PAK3: variants seen among roughly 807,000 people sequenced by gnomAD.
The protein encoded by PAK3 is p21 (RAC1) activated kinase 3.
PAK3 carries 4 observed loss-of-function variants against 41.0 expected under a neutral mutation model. The ratio of observed to expected loss-of-function variants is 0.10; its 90% confidence interval spans 0.05 to 0.22. The LOEUF (loss-of-function observed/expected upper bound fraction) is 0.22, where lower values mean the gene tolerates loss of function less well. Ranked by LOEUF, PAK3 falls within the 10% of genes least tolerant of loss-of-function variation. The probability of loss-of-function intolerance (pLI) is 1.00; values close to 1 mark genes in which losing one functional copy is unlikely to be tolerated. For synonymous variants in PAK3, 146 were observed against 139.6 expected, an observed-to-expected ratio of 1.05 and a Z score of -0.32; for missense variants, 205 against 409.9, an observed-to-expected ratio of 0.50 and a Z score of 4.32.
Position 111,226,268 on chromosome X carries a change from G to T in PAK3, c.*5821G>T, listed in dbSNP as rs191269951. The T allele has an allele frequency of 9.0e-6, 1 of 111,395 alleles. No homozygotes were observed. Among genetic ancestry groups the T allele is most frequent in the East Asian group, 2.8e-4 (1 of 3,572 alleles). The allele number at this position is 111,395 out of a possible 1,213,427, so 9.2% of individuals were successfully genotyped here. A position where few individuals can be genotyped will look rare whatever the true frequency, so the allele number is the denominator to read the frequency against. Reference sequence around the variant, plus strand: ...CTTCCAATTCATTTACAGTTGTTTCGTTTTGTTTTTGTTTTAATGTCCATT... The same window carrying T: ...CTTCCAATTCATTTACAGTTGTTTCTTTTTGTTTTTGTTTTAATGTCCATT... On this transcript the variant is annotated 3_prime_UTR_variant, in exon 18 of 18. Transcript: ENST00000372007.
At chrX:111,013,520 C>T (rs1476850206) in intron 1 of PAK3, among the ~76,000 whole-genome samples, 1 of 111,096 alleles carries the variant, frequency 9.0e-6, no homozygotes, top group East Asian at 2.9e-4. Context: ...TGATTGAGCA[C>T]CAGTAATGCA....
At chrX:111,084,950 C>G (rs1362882517) in intron 1 of PAK3, among the ~76,000 whole-genome samples, 1 of 111,546 alleles carries the variant, frequency 9.0e-6, no homozygotes, top group Non-Finnish European at 1.9e-5. Flanking sequence ...ATGGCCTAGT[C>G]CATGTCTCTG....
In PAK3 at chrX:111,147,393, C is replaced by T. The variant is rs755164656; in HGVS notation, c.277-344C>T. On this transcript the variant is annotated intron_variant, in intron 6 of 17. Transcript: ENST00000372007. ...CAAATTTAGAGAAGTCTTGCTATGT[C>T]TGCCCTGAGTCGCCAGAAAAAAAAT... 9.4e-4 allele frequency among the ~76,000 whole-genome samples: 104 copies of T among 110,780 alleles called. 1 individual carries two copies. The highest frequency in any genetic ancestry group is 3.2e-3 in the African/African-American group (97 of 30,528).
chrX:110,967,223 G>C (rs994936348), intron 1 of PAK3, among the ~76,000 whole-genome samples: 1 of 113,022 alleles, frequency 8.8e-6, no homozygotes, highest in Admixed American at 9.3e-5. Flanking sequence ...CCAGAACAGG[G>C]CCAAGGGGAC....
chrX:111,000,455 T>C (rs750089651), intron 1 of PAK3, among the ~76,000 whole-genome samples: 3 of 112,142 alleles, frequency 2.7e-5, no homozygotes. Flanking sequence ...ACTTGTCAAA[T>C]TGTCATGAGA....
intron 1 of PAK3, among the ~76,000 whole-genome samples, chrX:111,064,978 A>G (rs2092689512): frequency 1.8e-5 from 2 of 112,402 alleles, no homozygotes; most frequent in South Asian, 7.4e-4. Context: ...GTATAGATTC[A>G]TGAAGGTATA....
chrX:111,215,135 A>G (rs1366607852), intron 16 of PAK3, among the ~76,000 whole-genome samples: 2 of 111,746 alleles, frequency 1.8e-5, no homozygotes, highest in African/African-American at 6.5e-5. Flanking sequence ...AAACTGCGTG[A>G]TCCTTCAAAG....
chrX:111,030,937 T>A (rs1005261247), intron 1 of PAK3, among the ~76,000 whole-genome samples: 2 of 111,528 alleles, frequency 1.8e-5, no homozygotes, highest in Admixed American at 9.6e-5. Context: ...GCTGTACTAG[T>A]AACTGTCTTA....
In PAK3 at chrX:111,220,434, A is replaced by G; in HGVS notation, c.1622A>G (p.Asn541Ser). The change falls in exon 18 of 18, where the codon AAC becomes AGC. Residue 541 changes from asparagine to serine, a missense_variant. This residue lies in a region of PAK3 where 40 missense variants were observed against 54.4 expected (regional missense o/e 0.74). Coordinates refer to ENST00000372007, the MANE Select transcript of PAK3 (RefSeq NM_002578.5). ...ATCGCTGCAAAGGAAGCAATTAAGA[A>G]CAGCAGCCGCTAAGACTGCAAGCCT... The part of the protein sequence containing the change: ...LIIAAKEAIK[N>S]SSR 1 of 1,180,772 alleles carries G rather than the reference A, an allele frequency of 8.5e-7. No individual in the cohort carries two copies.
chrX:111,036,229 G>A (rs746876672), intron 1 of PAK3, among the ~76,000 whole-genome samples: 3 of 112,217 alleles, frequency 2.7e-5, no homozygotes, highest in African/African-American at 9.7e-5. Context: ...ATAGGCTTGT[G>A]GCCCCAACAA....
At chrX:111,105,105 C>T (rs1360077277) in intron 4 of PAK3, among the ~76,000 whole-genome samples, 1 of 111,573 alleles carries the variant, frequency 9.0e-6, no homozygotes, top group Non-Finnish European at 1.9e-5. Context: ...ATGCCCTCAC[C>T]CTCACACACA....
At chrX:111,121,777 G>A (rs934413062) in intron 4 of PAK3, among the ~76,000 whole-genome samples, 2 of 111,662 alleles carry the variant, frequency 1.8e-5, no homozygotes, top group Non-Finnish European at 3.8e-5. Flanking sequence ...GGATTCATTT[G>A]GAAGGTACTA....
intron 11 of PAK3, among the ~76,000 whole-genome samples, chrX:111,189,274 T>G (rs940444214): frequency 1.8e-5 from 2 of 112,215 alleles, no homozygotes; most frequent in Admixed American, 9.5e-5. Flanking sequence ...TATGGTTGCA[T>G]AATATTCCAT....
At chrX:111,120,754 T>C in intron 4 of PAK3, among the ~76,000 whole-genome samples, 1 of 112,362 alleles carries the variant, frequency 8.9e-6, no homozygotes, top group East Asian at 2.8e-4. Context: ...TTCTCTGCAA[T>C]AACTTTCAAA....
chrX:111,179,476 G>A (rs1170057433), intron 11 of PAK3, among the ~76,000 whole-genome samples: 4 of 110,973 alleles, frequency 3.6e-5, no homozygotes, highest in Admixed American at 2.9e-4. Flanking sequence ...AAATAACACA[G>A]GAACTACTGT....
chrX:111,069,422 C>T (rs1321004435), intron 1 of PAK3, among the ~76,000 whole-genome samples: 1 of 111,800 alleles, frequency 8.9e-6, no homozygotes. Flanking sequence ...CAGTTAACTC[C>T]ACTGCCTTCT....
chrX:111,041,847 T>C (rs2092455440), intron 1 of PAK3, among the ~76,000 whole-genome samples: 1 of 111,941 alleles, frequency 8.9e-6, no homozygotes. Context: ...ATTGAGATTG[T>C]ATTACTACTC....
intron 1 of PAK3, among the ~76,000 whole-genome samples, chrX:111,064,348 G>A (rs2092684385): frequency 9.1e-6 from 1 of 110,085 alleles, no homozygotes; most frequent in Admixed American, 9.7e-5. Context: ...TTGTTATCTG[G>A]GTATATTCTG....
rs2091039931 is a variant in PAK3 at position 110,964,346 on chromosome X, C to G, written c.-28+19718C>G. Among the ~76,000 whole-genome samples the G allele has an allele frequency of 1.8e-5, 2 of 112,213 alleles. 1 individual carries two copies. Among genetic ancestry groups the G allele is most frequent in the South Asian group, 7.5e-4 (2 of 2,665 alleles). ...AAACTCTAATTCGTGTATGAATCAC[C>G]AGGAGTTCTTGCTAAATTCAAATTG... On this transcript the variant is annotated intron_variant, in intron 1 of 14. Coordinates refer to the PAK3 transcript ENST00000425146.
Sources: allele counts gnomAD v4.1 joint callset (sites outside exome capture counted in the v4.1 genomes callset), GRCh38; gene constraint gnomAD v4.1.1; regional missense constraint gnomAD v4.1.1; transcripts MANE v1.5; gene names NCBI Gene and HGNC (gene_info 2026-07-23, HGNC 2026-07-21).